ATP6V1C2: variants seen among roughly 807,000 people sequenced by gnomAD.
ATP6V1C2 encodes V-type proton ATPase subunit C 2.
A neutral mutation model predicts 56.8 loss-of-function variants in ATP6V1C2; 45 were observed. The ratio of observed to expected loss-of-function variants is 0.79; its 90% CI spans 0.62 to 1.02. The LOEUF is 1.02. ATP6V1C2 is among the 50% of genes least tolerant of loss of function. ATP6V1C2 has a pLI of 0.00. For missense variants in ATP6V1C2, 463 were observed against 519.7 expected (o/e 0.89, Z 1.06); for synonymous variants, 220 against 201.3 (o/e 1.09, Z -0.79).
intron 3 of ATP6V1C2, among the ~76,000 whole-genome samples, chr2:10,739,029 A>G: frequency 6.6e-6 from 1 of 152,160 alleles, no homozygotes; most frequent in Non-Finnish European, 1.5e-5. Context: ...CAGCAGCCAG[A>G]GTGATCTTTT....
chr2:10,728,123 C>G (rs534502869), intron 3 of ATP6V1C2, among the ~76,000 whole-genome samples: 1 of 152,228 alleles, frequency 6.6e-6, no homozygotes, highest in Non-Finnish European at 1.5e-5. Context: ...GCTCTGTTGC[C>G]TAGGCTGGAG....
chr2:10,724,182 G>T (rs986590929), intron 2 of ATP6V1C2, among the ~76,000 whole-genome samples: 4 of 152,214 alleles, frequency 2.6e-5, no homozygotes, highest in Admixed American at 6.5e-5. Context: ...CTGGTGAGAT[G>T]GCACTGACTG....
intron 10 of ATP6V1C2, among the ~76,000 whole-genome samples, chr2:10,775,985 G>A (rs187944512): frequency 3.5e-4 from 54 of 152,244 alleles, no homozygotes; most frequent in Non-Finnish European, 5.7e-4. Flanking sequence ...CGCCGTGGCC[G>A]CGGGCAGGCT....
rs6747734 is a variant in ATP6V1C2, at chr2:10,725,870, G to A, written c.130-632G>A. On this transcript the variant is annotated intron_variant, in intron 2 of 13. Coordinates refer to ENST00000272238, the MANE Select transcript of ATP6V1C2 (RefSeq NM_001039362.2). ...CAAGGCAGGCAGATCACCTGAAGTCGGGAGTTCGAGACCAGCCTGACCAAC... is the reference window on the plus strand; with the variant it reads ...CAAGGCAGGCAGATCACCTGAAGTCAGGAGTTCGAGACCAGCCTGACCAAC... Among the ~76,000 whole-genome samples the A allele has an allele frequency of 4.6e-3, 693 of 151,566 alleles. 6 individuals are homozygous for A. The highest frequency in any genetic ancestry group is 0.015 in the African/African-American group (632 of 41,380).
chr2:10,723,014 T>A, intron 2 of ATP6V1C2, 36 bp downstream of exon 2: 1 of 1,612,468 alleles, frequency 6.2e-7, no homozygotes. Context: ...AAGGGATGGA[T>A]TGGTCAGGGG....
chr2:10,784,322 G>A lies in ATP6V1C2; in HGVS notation c.*1059G>A, dbSNP rs746215699. 7 of 1,612,174 alleles carry A rather than the reference G, an allele frequency of 4.3e-6. No homozygotes were observed. The highest frequency in any genetic ancestry group is 4.0e-5 in the African/African-American group (3 of 74,822). ...ACTGAGGTCAATGTCATCCTCCACGGGAAGCTGGGAGACGACAGAAAGCCA... is the reference window on the plus strand; with the variant it reads ...ACTGAGGTCAATGTCATCCTCCACGAGAAGCTGGGAGACGACAGAAAGCCA... On this transcript the variant is annotated 3_prime_UTR_variant, in exon 14 of 14. Transcript: ENST00000272238.
intron 3 of ATP6V1C2, among the ~76,000 whole-genome samples, chr2:10,728,413 T>C (rs1039977131): frequency 6.6e-6 from 1 of 152,194 alleles, no homozygotes; most frequent in Non-Finnish European, 1.5e-5. Context: ...AATGATAGCA[T>C]ATATTCTGCA....
intron 7 of ATP6V1C2, 39 bp downstream of exon 7, chr2:10,771,976 C>T (rs1558420760): frequency 6.4e-7 from 1 of 1,564,962 alleles, no homozygotes; most frequent in Non-Finnish European, 8.8e-7. Flanking sequence ...CGGCCCTGCC[C>T]AGTGGAGAGG....
chr2:10,747,081 C>T (rs1211287021), intron 3 of ATP6V1C2, among the ~76,000 whole-genome samples: 2 of 152,102 alleles, frequency 1.3e-5, no homozygotes, highest in Non-Finnish European at 2.9e-5. Context: ...CCAGCCTGAC[C>T]AACATGAAGA....
At chr2:10,729,613 T>G (rs1429802754) in intron 3 of ATP6V1C2, among the ~76,000 whole-genome samples, 5 of 152,168 alleles carry the variant, frequency 3.3e-5, no homozygotes, top group African/African-American at 1.2e-4. Context: ...CCCAGCACTT[T>G]GGGAGGCCAA....
intron 4 of ATP6V1C2, among the ~76,000 whole-genome samples, chr2:10,759,111 CG>C (rs1558408644): frequency 6.6e-6 from 1 of 152,222 alleles, no homozygotes. Flanking sequence ...CTATCTCCTC[CG>C]GGGGCATTTA....
chr2:10,738,500 G>T (rs958256887), intron 3 of ATP6V1C2, among the ~76,000 whole-genome samples: 3 of 152,130 alleles, frequency 2.0e-5, no homozygotes, highest in Non-Finnish European at 4.4e-5. Flanking sequence ...TTAATGTAAG[G>T]CATTTCCATC....
chr2:10,743,246 C>T (rs936562788), intron 3 of ATP6V1C2, among the ~76,000 whole-genome samples: 3 of 151,840 alleles, frequency 2.0e-5, no homozygotes, highest in East Asian at 2.0e-4. Context: ...ACCCCACTAC[C>T]CATGGCTAAT....
intron 3 of ATP6V1C2, among the ~76,000 whole-genome samples, chr2:10,752,920 C>A (rs1281748091): frequency 6.6e-6 from 1 of 152,054 alleles, no homozygotes; most frequent in East Asian, 1.9e-4. Context: ...CACTTGAACC[C>A]GGGAGGCGGA....
At chr2:10,749,015 A>G (rs1285597986) in intron 3 of ATP6V1C2, among the ~76,000 whole-genome samples, 1 of 151,736 alleles carries the variant, frequency 6.6e-6, no homozygotes, top group Non-Finnish European at 1.5e-5. Flanking sequence ...CTGTAATCCC[A>G]GCTACCAGGG....
chr2:10,769,749 G>T (rs1664465698), intron 6 of ATP6V1C2, among the ~76,000 whole-genome samples: 1 of 152,076 alleles, frequency 6.6e-6, no homozygotes, highest in South Asian at 2.1e-4. Context: ...GAAGCCAGGT[G>T]AGCTCCTGCT....
rs1183408336 is a variant in ATP6V1C2, at chr2:10,764,376, A to T, written c.329A>T (p.Lys110Ile). ...FVTHFEWDMA[K>I]YPVKQPLVSV... is the part of the protein sequence containing the mutation. ...ACCCACTTTGAATGGGACATGGCCA[A>T]ATATCCTGTCAAGCAGCCGCTCGTG... The change falls in exon 5 of 14, where the codon AAA (lysine) becomes ATA (isoleucine). Residue 110 changes from lysine (K) to isoleucine (I), a missense_variant. By Grantham distance (102) the Lys-to-Ile change is moderately radical. Transcript: ENST00000272238. 6.2e-7 allele frequency: 1 copy of T among 1,614,138 alleles called. No homozygotes were observed. Among genetic ancestry groups the T allele is most frequent in the East Asian group, 2.2e-5 (1 of 44,880 alleles).
At chr2:10,739,299 A>C (rs1662421202) in intron 3 of ATP6V1C2, among the ~76,000 whole-genome samples, 1 of 151,970 alleles carries the variant, frequency 6.6e-6, no homozygotes, top group African/African-American at 2.4e-5. Context: ...TAAATAAATA[A>C]ATAAATAAAA....
chr2:10,775,281 G>A (rs1469511534), intron 10 of ATP6V1C2, among the ~76,000 whole-genome samples: 2 of 152,210 alleles, frequency 1.3e-5, no homozygotes, highest in Non-Finnish European at 2.9e-5. Context: ...GTGGAGCTGG[G>A]GGCGGGAGCC....
Sources: allele counts gnomAD v4.1 joint callset (sites outside exome capture counted in the v4.1 genomes callset), GRCh38; gene constraint gnomAD v4.1.1; transcripts MANE v1.5; gene names NCBI Gene and HGNC (gene_info 2026-07-23, HGNC 2026-07-21).